Variants in PCDHGA7 observed in about 807,000 individuals in gnomAD.
PCDHGA7 encodes protocadherin gamma-A7.
PCDHGA7 carries 44 observed loss-of-function variants against 58.3 expected under a neutral mutation model. That is an observed-to-expected ratio of 0.75 (90% confidence interval 0.59 to 0.97). The LOEUF is 0.97. PCDHGA7 is among the 50% of genes least tolerant of loss of function. The probability of loss-of-function intolerance (pLI) is 0.00; values close to 1 mark genes in which losing one functional copy is unlikely to be tolerated. For missense variants in PCDHGA7, 1,266 were observed against 1,188.7 expected (o/e 1.06, Z -0.96); for synonymous variants, 516 against 504.2 (o/e 1.02, Z -0.31).
At chr5:141,509,570 G>A (rs2099877371) in intron 3 of PCDHGA7, among the ~76,000 whole-genome samples, 1 of 152,232 alleles carries the variant, frequency 6.6e-6, no homozygotes, top group South Asian at 2.1e-4. Flanking sequence ...AGCCTTCACA[G>A]TGCGTACAAA....
intron 1 of PCDHGA7, chr5:141,400,041 G>T (rs1354740714): frequency 1.2e-6 from 2 of 1,613,566 alleles, no homozygotes; most frequent in South Asian, 2.2e-5. Context: ...GCCAGCGCCT[G>T]CTGGTTGCTG....
intron 1 of PCDHGA7, chr5:141,410,427 A>G (rs746046310): frequency 1.4e-5 from 22 of 1,613,832 alleles, no homozygotes; most frequent in East Asian, 1.1e-4. Flanking sequence ...GTTCCCCCCA[A>G]CTACAGTGAG....
rs371807105 is a variant in PCDHGA7 at position 141,476,586 on chromosome 5, A to G, written c.2425-18221A>G. ...GCTCCGGGGACGCGCTTTCCGCTCG[A>G]GAGCGCGCACGATCCCGATGTGGGA... is the stretch of plus-strand genomic sequence containing the variant. On this transcript the variant is annotated intron_variant, in intron 1 of 3. Coordinates refer to ENST00000518325, the MANE Select transcript of PCDHGA7 (RefSeq NM_018920.4). This position sits in a 1 kb window ranked among gnomAD's most constrained non-coding sequence, Gnocchi z 7.6. The G allele has an allele frequency of 6.2e-7, 1 of 1,614,222 alleles. No homozygotes were observed. The highest frequency in any genetic ancestry group is 8.5e-7 in the Non-Finnish European group (1 of 1,180,032).
At chr5:141,404,043 C>T (rs781644500) in intron 1 of PCDHGA7, 1 of 1,613,844 alleles carries the variant, frequency 6.2e-7, no homozygotes, top group East Asian at 2.2e-5. Context: ...CCTCAGGGAA[C>T]AGTAATTCTT....
In PCDHGA7 at chr5:141,491,759, G is replaced by C. The variant is rs746395685; in HGVS notation, c.2425-3048G>C. 3 of 1,575,392 alleles carry C rather than the reference G, an allele frequency of 1.9e-6. No individual in the cohort carries two copies. Among genetic ancestry groups the C allele is most frequent in the Non-Finnish European group, 2.6e-6 (3 of 1,161,808 alleles). ...GGGGGCGGCACTGGAGAAGCCGCCC[G>C]TCCTCATAAGGGATTGAACTTGCAT... On this transcript the variant is annotated intron_variant, in intron 1 of 3. Coordinates refer to ENST00000518325, the MANE Select transcript of PCDHGA7 (RefSeq NM_018920.4). The surrounding 1 kb of genome is among the most constrained non-coding windows in gnomAD (Gnocchi z 6.9).
At chr5:141,403,804 T>G (rs2094456767) in intron 1 of PCDHGA7, 1 of 1,613,764 alleles carries the variant, frequency 6.2e-7, no homozygotes, top group Non-Finnish European at 8.5e-7. Context: ...TCTGGAAAAT[T>G]AATGAAAAAC....
chr5:141,446,289 G>T (rs1333286399), intron 1 of PCDHGA7, among the ~76,000 whole-genome samples: 1 of 152,112 alleles, frequency 6.6e-6, no homozygotes, highest in Non-Finnish European at 1.5e-5. Flanking sequence ...GATAAATGGG[G>T]AGCAGGGATT....
intron 1 of PCDHGA7, among the ~76,000 whole-genome samples, chr5:141,457,387 T>A (rs530736201): frequency 2.0e-5 from 3 of 152,340 alleles, no homozygotes; most frequent in Non-Finnish European, 2.9e-5. Context: ...AGAACTAGCA[T>A]ATTGATTCAC....
At chr5:141,389,304 GCTT>G (rs762969573) in intron 1 of PCDHGA7, 2 of 1,614,006 alleles carry the variant, frequency 1.2e-6, no homozygotes, top group Non-Finnish European at 1.7e-6. Context: ...ACAAGTCAGG[GCTT>G]CTGATCCGGA....
intron 1 of PCDHGA7, chr5:141,389,412 G>T (rs1039259671): frequency 5.6e-6 from 9 of 1,613,470 alleles, no homozygotes; most frequent in Non-Finnish European, 7.6e-6. Flanking sequence ...CGCGGAGAGC[G>T]GGGTGGTGTT....
At chr5:141,423,354 C>A in intron 1 of PCDHGA7, 1 of 1,614,202 alleles carries the variant, frequency 6.2e-7, no homozygotes. Context: ...TGGTCTTTGT[C>A]ATCGTGCTGC....
chr5:141,446,173 G>A (rs2098491860), intron 1 of PCDHGA7, among the ~76,000 whole-genome samples: 1 of 152,076 alleles, frequency 6.6e-6, no homozygotes, highest in East Asian at 1.9e-4. Context: ...TGAGGGCAGG[G>A]GGTGTTTTGT....
intron 1 of PCDHGA7, among the ~76,000 whole-genome samples, chr5:141,443,560 G>A (rs2098394386): frequency 6.6e-6 from 1 of 152,162 alleles, no homozygotes; most frequent in Non-Finnish European, 1.5e-5. Context: ...CAATTCAAAT[G>A]CTTTAAATGG....
At position 141,431,134 on chromosome 5, in the gene PCDHGA7, C is replaced by T; in HGVS notation, c.2424+45811C>T. 1 of 1,614,212 alleles carries T rather than the reference C, an allele frequency of 6.2e-7. No homozygotes were observed. The highest frequency in any genetic ancestry group is 2.2e-5 in the East Asian group (1 of 44,890). On this transcript the variant is annotated intron_variant, in intron 1 of 3. Coordinates refer to ENST00000518325, the MANE Select transcript of PCDHGA7 (RefSeq NM_018920.4). This position sits in a 1 kb window ranked among gnomAD's most constrained non-coding sequence, Gnocchi z 4.8. ...ATGGAGTAGAAGTAGAAGTAAGGGA[C>T]ATTAACGACAATGCGCCTTACTTTC...
At position 141,384,587 on chromosome 5, in the gene PCDHGA7, T is replaced by C; in HGVS notation, c.1688T>C (p.Leu563Pro). Residue 563 changes from leucine (L) to proline (P), a missense_variant, in exon 1 of 4, where the codon CTG becomes CCG. By Grantham distance (98) the Leu-to-Pro change is moderately conservative. Coordinates refer to ENST00000518325, the MANE Select transcript of PCDHGA7 (RefSeq NM_018920.4). ...CAGAATGACAACCCGCCCGAGATCC[T>C]GTACCCGGCCCTCCCCACAGATGGT... Reference protein sequence around the residue: ...LDQNDNPPEILYPALPTDGST... With the variant: ...LDQNDNPPEIPYPALPTDGST... 1 of 1,614,218 alleles carries C rather than the reference T, an allele frequency of 6.2e-7. No individual in the cohort carries two copies. Among genetic ancestry groups the C allele is most frequent in the Non-Finnish European group, 8.5e-7 (1 of 1,180,026 alleles).
chr5:141,414,638 A>C lies in PCDHGA7; in HGVS notation c.2424+29315A>C, dbSNP rs539861509. The C allele has an allele frequency of 7.8e-5, 126 of 1,613,988 alleles. 1 individual carries two copies. In the South Asian group the frequency reaches 1.3e-3, roughly 17 times the overall value. ...GCGCTGGACCCGGACAGCAAAGAGA[A>C]TGCCCAGATTATTTACTCCCTGGCT... On this transcript the variant is annotated intron_variant, in intron 1 of 3. Coordinates refer to ENST00000518325, the MANE Select transcript of PCDHGA7 (RefSeq NM_018920.4).
chr5:141,458,506 A>G (rs1443711702), intron 1 of PCDHGA7, among the ~76,000 whole-genome samples: 1 of 150,282 alleles, frequency 6.7e-6, no homozygotes, highest in Non-Finnish European at 1.5e-5. Flanking sequence ...ATACTGTTTG[A>G]CACTTTGTTT....
In PCDHGA7 at chr5:141,491,727, G is replaced by C; in HGVS notation, c.2425-3080G>C. On this transcript the variant is annotated intron_variant, in intron 1 of 3. Transcript: ENST00000518325. This position sits in a 1 kb window ranked among gnomAD's most constrained non-coding sequence, Gnocchi z 6.9. ...TGAGGGGCTCGGCGCCGCCCCGGGC[G>C]ACCCCTGGGGGCGGCACTGGAGAAG... 6.2e-7 allele frequency: 1 copy of C among 1,604,916 alleles called. No individual in the cohort carries two copies. The highest frequency in any genetic ancestry group is 8.5e-7 in the Non-Finnish European group (1 of 1,176,284).
chr5:141,473,349 T>G (rs2099319716), intron 1 of PCDHGA7, among the ~76,000 whole-genome samples: 1 of 152,232 alleles, frequency 6.6e-6, no homozygotes, highest in Non-Finnish European at 1.5e-5. Context: ...ACAGTGAGGA[T>G]GCAAGTGGCC....
Sources: gnomAD v4.1 joint callset for allele counts (sites outside exome capture counted in the v4.1 genomes callset) on GRCh38, gnomAD v4.1.1 for gene constraint, Gnocchi (gnomAD v3.1) non-coding constraint, MANE v1.5 for transcripts, NCBI Gene and HGNC (gene_info 2026-07-23, HGNC 2026-07-21) for gene names.